USP28: variants seen among roughly 807,000 people sequenced by gnomAD.
USP28 encodes ubiquitin specific peptidase 28.
In USP28, 113 loss-of-function variants were observed where a neutral mutation model predicts 145.0. That is an observed-to-expected ratio of 0.78 (90% CI 0.67 to 0.91). USP28 has a LOEUF of 0.91. USP28 is among the 40% of genes least tolerant of loss of function. The probability of loss-of-function intolerance (pLI) is 0.00; values close to 1 mark genes in which losing one functional copy is unlikely to be tolerated. For missense variants in USP28, 1,201 were observed against 1,289.6 expected (o/e 0.93, Z 1.05); for synonymous variants, 447 against 450.9 (o/e 0.99, Z 0.11).
intron 12 of USP28, among the ~76,000 whole-genome samples, chr11:113,818,431 C>G (rs1380449577): frequency 3.9e-5 from 6 of 152,130 alleles, no homozygotes; most frequent in Non-Finnish European, 7.4e-5. Context: ...GATTAAGGGC[C>G]ACCGCGCCTG....
chr11:113,825,019 G>C (rs1179210016), intron 11 of USP28, among the ~76,000 whole-genome samples: 1 of 151,644 alleles, frequency 6.6e-6, no homozygotes. Flanking sequence ...ATAGCCACTG[G>C]GTAGAAACTG....
chr11:113,856,266 A>G (rs893877287), intron 1 of USP28, among the ~76,000 whole-genome samples: 7 of 152,244 alleles, frequency 4.6e-5, no homozygotes, highest in African/African-American at 1.7e-4. Context: ...ATCAACATCA[A>G]TATACCCAAA....
exon 20 of USP28, chr11:113,804,976 C>T: frequency 1.9e-6 from 3 of 1,614,072 alleles, no homozygotes; most frequent in Non-Finnish European, 2.5e-6. Context: ...ATGCTGAAGT[C>T]GAGGATCACT....
intron 8 of USP28, 106 bp from the exon 9 acceptor site, chr11:113,831,049 C>T (rs1943924571): frequency 1.9e-6 from 2 of 1,077,004 alleles, no homozygotes; most frequent in African/African-American, 1.6e-5. Flanking sequence ...TTCATCAACC[C>T]CCAAAGAGCC....
intron 19 of USP28, among the ~76,000 whole-genome samples, chr11:113,805,532 AG>A (rs2135226953): frequency 6.6e-6 from 1 of 152,326 alleles, no homozygotes; most frequent in Admixed American, 6.5e-5. Flanking sequence ...CTGGGATTAC[AG>A]GCATGAGCCA....
At chr11:113,823,574 A>T (rs1452023618) in intron 12 of USP28, 31 bp downstream of exon 12, 5 of 1,436,248 alleles carry the variant, frequency 3.5e-6, no homozygotes, top group Admixed American at 2.0e-5. Context: ...ATTCTTTTAC[A>T]TTTCTAAGCA....
chr11:113,824,802 A>T (rs1943101974), intron 11 of USP28, among the ~76,000 whole-genome samples: 1 of 151,776 alleles, frequency 6.6e-6, no homozygotes, highest in Non-Finnish European at 1.5e-5. Flanking sequence ...GTTGTGGCAC[A>T]TGCCTGTAAT....
chr11:113,804,998 G>C (rs1398623546), exon 20 of USP28: 1 of 1,614,104 alleles, frequency 6.2e-7, no homozygotes, highest in African/African-American at 1.3e-5. Flanking sequence ...TGAGAGGTGG[G>C]GGTCTCTTTG....
exon 8 of USP28, chr11:113,831,925 A>G (rs1471273506): frequency 7.4e-6 from 12 of 1,613,848 alleles, no homozygotes; most frequent in East Asian, 4.5e-5. Context: ...CTCACTTAAC[A>G]TTAACAGCTA....
intron 8 of USP28, 31 bp downstream of exon 8, chr11:113,831,888 GA>G: frequency 6.3e-7 from 1 of 1,599,770 alleles, no homozygotes; most frequent in Non-Finnish European, 8.5e-7. Context: ...CTGTGAGTCG[GA>G]AGGATGTACA....
At chr11:113,852,740 A>G in intron 2 of USP28, 107 bp from the exon 3 acceptor site, 1 of 1,273,064 alleles carries the variant, frequency 7.9e-7, no homozygotes, top group African/African-American at 1.5e-5. Context: ...ACTTTCAGGC[A>G]TAATTCTAGG....
At chr11:113,818,037 G>A in intron 12 of USP28, 200 bp from the exon 13 acceptor site, 1 of 464,076 alleles carries the variant, frequency 2.2e-6, no homozygotes, top group Non-Finnish European at 3.7e-6. Flanking sequence ...ACAATCTGAA[G>A]TTTTATATCT....
chr11:113,798,009 A>G (rs548166303), exon 25 of USP28: 79 of 150,844 alleles, frequency 5.2e-4, no homozygotes, highest in African/African-American at 1.8e-3. Context: ...AAAATGATCA[A>G]TGGGAAGTAT....
chr11:113,848,832 G>A (rs1440003680), intron 3 of USP28, among the ~76,000 whole-genome samples: 1 of 152,182 alleles, frequency 6.6e-6, no homozygotes, highest in Non-Finnish European at 1.5e-5. Flanking sequence ...CTACACAACA[G>A]AGAATTGAAG....
intron 3 of USP28, among the ~76,000 whole-genome samples, chr11:113,843,538 G>A (rs928160269): frequency 3.3e-5 from 5 of 151,538 alleles, no homozygotes; most frequent in Non-Finnish European, 5.9e-5. Context: ...AGGCGCGGTG[G>A]TGTATGCCTG....
chr11:113,803,465 C>T (rs1939410495), intron 22 of USP28, among the ~76,000 whole-genome samples, 184 bp from the exon 24 acceptor site: 1 of 152,190 alleles, frequency 6.6e-6, no homozygotes, highest in African/African-American at 2.4e-5. Context: ...AAATATGAAA[C>T]TTCCCTAGGC....
At chr11:113,851,688 C>A (rs948084018) in intron 3 of USP28, among the ~76,000 whole-genome samples, 5 of 151,730 alleles carry the variant, frequency 3.3e-5, no homozygotes, top group Admixed American at 3.3e-4. Flanking sequence ...CCCAGCTACT[C>A]AGGAGGTTGA....
chr11:113,858,371 A>T (rs1482380385), intron 1 of USP28, among the ~76,000 whole-genome samples: 2 of 152,018 alleles, frequency 1.3e-5, no homozygotes, highest in African/African-American at 4.8e-5. Flanking sequence ...TCATGCATAG[A>T]CTGTTGCTCC....
intron 1 of USP28, among the ~76,000 whole-genome samples, chr11:113,867,439 A>G (rs934171178): frequency 6.6e-6 from 1 of 151,904 alleles, no homozygotes; most frequent in South Asian, 2.1e-4. Context: ...GCTAATTTTT[A>G]TATTTTTTAG....
Sources: gnomAD v4.1 joint callset for allele counts (sites outside exome capture counted in the v4.1 genomes callset) on GRCh38, gnomAD v4.1.1 for gene constraint, MANE v1.5 for transcripts, NCBI Gene and HGNC (gene_info 2026-07-23, HGNC 2026-07-21) for gene names.